Variants in SLC36A4 observed in about 807,000 individuals in gnomAD.
SLC36A4 encodes the protein neutral amino acid uniporter 4.
SLC36A4 carries 49 observed loss-of-function variants against 50.5 expected under a neutral mutation model. That is an observed-to-expected ratio of 0.97 (90% CI 0.77 to 1.23). The LOEUF is 1.23. Among genes scored for constraint, SLC36A4 ranks in the 50% most tolerant of loss-of-function variants. SLC36A4 has a pLI of 0.00. For synonymous variants in SLC36A4, 207 were observed against 206.5 expected, an observed-to-expected ratio of 1.00 and a Z score of -0.02; for missense variants, 611 against 608.4, an observed-to-expected ratio of 1.00 and a Z score of -0.05.
intron 10 of SLC36A4, among the ~76,000 whole-genome samples, chr11:93,152,976 G>A (rs891339698): frequency 2.0e-5 from 3 of 151,806 alleles, no homozygotes; most frequent in African/African-American, 7.3e-5. Flanking sequence ...GACTTCATTT[G>A]TTAATATGAT....
At chr11:93,197,638 G>A (rs902957832) in intron 1 of SLC36A4, 140 bp downstream of exon 1, 4 of 913,372 alleles carry the variant, frequency 4.4e-6, no homozygotes, top group Non-Finnish European at 6.6e-6. Context: ...TTCCTTTGCG[G>A]ATGCTGACCA....
Position 93,180,170 on chromosome 11 carries a change from T to C in SLC36A4, c.540+627A>G, listed in dbSNP as rs371852577. The C allele has an allele frequency of 1.0e-5, 10 of 981,894 alleles. No individual in the cohort carries two copies. The East Asian group carries it at 1.1e-3, about 111-fold the overall frequency. 60.8% of individuals were successfully genotyped at this position (981,894 alleles called of 1,614,324 possible). A position where few individuals can be genotyped will look rare whatever the true frequency, so the allele number is the denominator to read the frequency against. ...AGAAGAGCAGGGGATAATGTAGGAA[T>C]AATGATACCAGTCATAAAAGTGCTT... On this transcript the variant is annotated intron_variant, in intron 6 of 10. Transcript: ENST00000326402.
intron 6 of SLC36A4, among the ~76,000 whole-genome samples, chr11:93,176,546 A>C (rs903767504): frequency 1.3e-5 from 2 of 151,590 alleles, no homozygotes; most frequent in Non-Finnish European, 2.9e-5. Context: ...CCTAGTCTCG[A>C]TGGTCTTTAC....
chr11:93,169,175 GTACTGAAC>G (rs1237776855), intron 6 of SLC36A4, among the ~76,000 whole-genome samples: 55 of 152,120 alleles, frequency 3.6e-4, no homozygotes, highest in Middle Eastern at 6.8e-3. Flanking sequence ...TTTGTATCAG[GTACTGAAC>G]TACATGCTTT....
Position 93,162,705 on chromosome 11 carries a change from C to G in SLC36A4, c.1037+1G>C. On this transcript the variant is annotated splice_donor_variant, in intron 9 of 10. Coordinates refer to ENST00000326402, the MANE Select transcript of SLC36A4 (RefSeq NM_152313.4). LOFTEE classifies it high-confidence loss of function. ...ATATTGACAAATTCATATACACCTA[C>G]CATACATCTTGGGGAAGATTTAAAG... 1 of 1,604,186 alleles carries G rather than the reference C, an allele frequency of 6.2e-7. No homozygotes were observed.
At chr11:93,168,552 T>C (rs956825356) in intron 6 of SLC36A4, among the ~76,000 whole-genome samples, 5 of 152,034 alleles carry the variant, frequency 3.3e-5, no homozygotes, top group African/African-American at 1.2e-4. Flanking sequence ...TGCTTGTACC[T>C]AGGATGGCCA....
intron 1 of SLC36A4, 25 bp downstream of exon 1, chr11:93,197,753 C>A: frequency 6.3e-7 from 1 of 1,585,946 alleles, no homozygotes; most frequent in East Asian, 2.3e-5. Flanking sequence ...TCAGCCCCGG[C>A]TCCCTGCCCA....
At chr11:93,167,373 C>T (rs564794989) in intron 7 of SLC36A4, 3 of 152,042 alleles carry the variant, frequency 2.0e-5, no homozygotes, top group Non-Finnish European at 4.4e-5. Flanking sequence ...CTAAATCTTG[C>T]AAACTATTTT....
At chr11:93,155,284 C>T (rs537059528) in intron 9 of SLC36A4, 1 of 152,230 alleles carries the variant, frequency 6.6e-6, no homozygotes, top group South Asian at 2.1e-4. Context: ...AACTTCGGGG[C>T]AGTGATTAAC....
chr11:93,192,536 T>G (rs559203217), intron 1 of SLC36A4, among the ~76,000 whole-genome samples: 2 of 152,312 alleles, frequency 1.3e-5, no homozygotes, highest in South Asian at 2.1e-4. Context: ...TACACAAATT[T>G]TTTGTAGTAA....
At position 93,197,940 on chromosome 11, in the gene SLC36A4, G is replaced by A; in HGVS notation, c.-108C>T. ...CCCCTGCCCGGAGGGACCCGCGCCT[G>A]GTGCCCGCCTCCCTGCCCCGGCGCT... On this transcript the variant is annotated 5_prime_UTR_variant, in exon 1 of 11. Coordinates refer to ENST00000326402, the MANE Select transcript of SLC36A4 (RefSeq NM_152313.4). 1 of 1,145,766 alleles carries A rather than the reference G, an allele frequency of 8.7e-7. No homozygotes were observed. Among genetic ancestry groups the A allele is most frequent in the African/African-American group, 1.6e-5 (1 of 61,056 alleles). The allele number at this position is 1,145,766 out of a possible 1,614,324, so 71.0% of individuals were successfully genotyped here. A position where few individuals can be genotyped will look rare whatever the true frequency, so the allele number is the denominator to read the frequency against.
intron 9 of SLC36A4, chr11:93,160,146 C>A: frequency 1.0e-6 from 1 of 985,360 alleles, no homozygotes; most frequent in Middle Eastern, 5.2e-4. Flanking sequence ...TGTAAAAAGA[C>A]AAGCAACTCT....
intron 6 of SLC36A4, among the ~76,000 whole-genome samples, chr11:93,172,963 T>G (rs1861251121): frequency 6.6e-6 from 1 of 151,098 alleles, no homozygotes; most frequent in Non-Finnish European, 1.5e-5. Flanking sequence ...ATATACTCAG[T>G]AATGGGATGG....
intron 1 of SLC36A4, among the ~76,000 whole-genome samples, chr11:93,192,382 G>T (rs1335516164): frequency 1.3e-5 from 2 of 152,110 alleles, no homozygotes; most frequent in African/African-American, 4.8e-5. Flanking sequence ...ATGAGTGCGG[G>T]GGAGGAGTAG....
rs546257945 is a variant in SLC36A4 at position 93,178,216 on chromosome 11, C to T, written c.540+2581G>A. Among the ~76,000 whole-genome samples, 500 of 152,306 alleles carry T rather than the reference C, an allele frequency of 3.3e-3. 2 individuals carry two copies. Among genetic ancestry groups the T allele is most frequent in the African/African-American group, 0.011 (477 of 41,560 alleles). On this transcript the variant is annotated intron_variant, in intron 6 of 10. Transcript: ENST00000326402. ...TCTGAGCCAGCGCAGGATATAATCT[C>T]TTGGTGTGCCATTTGCTAAGACCGT...
At chr11:93,189,619 G>A (rs553197248) in intron 1 of SLC36A4, among the ~76,000 whole-genome samples, 1 of 152,162 alleles carries the variant, frequency 6.6e-6, no homozygotes, top group Admixed American at 6.5e-5. Flanking sequence ...TCAGTTATTT[G>A]ACCTTTCTGA....
intron 6 of SLC36A4, among the ~76,000 whole-genome samples, chr11:93,177,285 GT>G (rs1283104401): frequency 1.3e-5 from 2 of 152,108 alleles, no homozygotes; most frequent in Admixed American, 1.3e-4. Context: ...CCATGCCATG[GT>G]TTTCAGCTCC....
chr11:93,193,780 A>C (rs1862309039), intron 1 of SLC36A4, among the ~76,000 whole-genome samples: 1 of 152,170 alleles, frequency 6.6e-6, no homozygotes, highest in Non-Finnish European at 1.5e-5. Flanking sequence ...AAATCACATT[A>C]ATTTAGCAAT....
intron 4 of SLC36A4, 40 bp downstream of exon 4, chr11:93,182,766 A>C (rs774327510): frequency 4.9e-6 from 7 of 1,439,746 alleles, no homozygotes; most frequent in Non-Finnish European, 6.8e-6. Context: ...TAAATAAAAG[A>C]TAGCTTTAAA....
Sources: gnomAD v4.1 joint callset for allele counts (sites outside exome capture counted in the v4.1 genomes callset) on GRCh38, gnomAD v4.1.1 for gene constraint, MANE v1.5 for transcripts, NCBI Gene and HGNC (gene_info 2026-07-23, HGNC 2026-07-21) for gene names.